Variants in NRXN3 observed in about 807,000 individuals in gnomAD.
The protein encoded by NRXN3 is neurexin 3.
In NRXN3, 32 loss-of-function variants were observed where a neutral mutation model predicts 137.6. The observed-to-expected ratio is 0.23, with a 90% CI of 0.18 to 0.31. The LOEUF is 0.31. Ranked by LOEUF, NRXN3 falls within the 10% of genes least tolerant of loss-of-function variation. The probability of loss-of-function intolerance (pLI) is 1.00; values close to 1 mark genes in which losing one functional copy is unlikely to be tolerated. For missense variants in NRXN3, 1,574 were observed against 2,062.5 expected (o/e 0.76, Z 4.59); for synonymous variants, 798 against 784.5 (o/e 1.02, Z -0.29).
chr14:79,409,639 ATATATC>A (rs1360244928), intron 15 of NRXN3, among the ~76,000 whole-genome samples: 5 of 146,488 alleles, frequency 3.4e-5, no homozygotes, highest in African/African-American at 5.0e-5. Context: ...ATATATATAT[ATATATC>A]CTCAAAATTT....
chr14:78,392,492 G>C (rs1415855207), intron 4 of NRXN3, among the ~76,000 whole-genome samples: 1 of 152,176 alleles, frequency 6.6e-6, no homozygotes, highest in African/African-American at 2.4e-5. Context: ...GGCTAAGACT[G>C]GGGGCTACAG....
intron 1 of NRXN3, among the ~76,000 whole-genome samples, chr14:78,183,427 G>A (rs862329): frequency 0.8 from 121,564 of 152,058 alleles, 49,449 homozygotes; most frequent in East Asian, 0.9. Flanking sequence ...ACCAGTAGAT[G>A]TGAGTGTAGG....
chr14:78,334,325 T>A (rs1234617504), intron 4 of NRXN3, among the ~76,000 whole-genome samples: 1 of 152,144 alleles, frequency 6.6e-6, no homozygotes, highest in African/African-American at 2.4e-5. Flanking sequence ...CCAGAATCAC[T>A]TCTTTCCTGT....
At chr14:78,941,780 A>C (rs529485430) in intron 10 of NRXN3, among the ~76,000 whole-genome samples, 3 of 152,340 alleles carry the variant, frequency 2.0e-5, no homozygotes, top group Non-Finnish European at 4.4e-5. Flanking sequence ...AAAGTGTAAC[A>C]ATGACTTTAT....
chr14:78,316,648 A>G (rs1006589550), intron 4 of NRXN3, among the ~76,000 whole-genome samples: 1 of 152,184 alleles, frequency 6.6e-6, no homozygotes, highest in African/African-American at 2.4e-5. Flanking sequence ...TGATTTATTT[A>G]TTTGATATGT....
At chr14:78,339,887 T>C (rs1191025244) in intron 4 of NRXN3, among the ~76,000 whole-genome samples, 1 of 152,184 alleles carries the variant, frequency 6.6e-6, no homozygotes, top group Admixed American at 6.5e-5. Context: ...TGAATTTCAG[T>C]GCTCCTTCTC....
intron 15 of NRXN3, among the ~76,000 whole-genome samples, chr14:79,363,139 T>C (rs774942406): frequency 6.6e-5 from 10 of 152,178 alleles, no homozygotes; most frequent in Admixed American, 3.9e-4. Flanking sequence ...TAGCTGGAAT[T>C]ATAGGCGCCC....
At chr14:78,987,301 A>C (rs1373797860) in intron 14 of NRXN3, among the ~76,000 whole-genome samples, 1 of 152,116 alleles carries the variant, frequency 6.6e-6, no homozygotes, top group Non-Finnish European at 1.5e-5. Context: ...ACTTTACCTA[A>C]GTTGGACATC....
chr14:78,862,713 C>A (rs188433953), intron 10 of NRXN3, among the ~76,000 whole-genome samples: 2 of 152,064 alleles, frequency 1.3e-5, no homozygotes, highest in African/African-American at 2.4e-5. Flanking sequence ...ATAAATAAGA[C>A]CACTCTGTCA....
rs371053742 is a variant in NRXN3, at chr14:79,714,929, C to T, written c.4014+16992C>T. Among the ~76,000 whole-genome samples the T allele has an allele frequency of 1.4e-3, 215 of 152,252 alleles. 1 individual carries two copies. The highest frequency in any genetic ancestry group is 5.0e-3 in the African/African-American group (209 of 41,556). On this transcript the variant is annotated intron_variant, in intron 19 of 20. Coordinates refer to ENST00000335750, the MANE Select transcript of NRXN3 (RefSeq NM_001330195.2). ...AATATCAGAGATGGCTTTGTCATGTCTGGTGCTCTTAAATCCTTTTCTTTT... is the reference window on the plus strand; with the variant it reads ...AATATCAGAGATGGCTTTGTCATGTTTGGTGCTCTTAAATCCTTTTCTTTT...
At chr14:79,432,583 C>G (rs1279946420) in intron 15 of NRXN3, among the ~76,000 whole-genome samples, 2 of 152,202 alleles carry the variant, frequency 1.3e-5, no homozygotes, top group Non-Finnish European at 2.9e-5. Context: ...CTTCTCCCTT[C>G]CCCATTTTCA....
At chr14:79,289,021 C>T (rs1456341964) in intron 15 of NRXN3, among the ~76,000 whole-genome samples, 2 of 152,102 alleles carry the variant, frequency 1.3e-5, no homozygotes, top group African/African-American at 2.4e-5. Flanking sequence ...GGAAGTTATG[C>T]ACCCTTCAAA....
chr14:78,669,875 T>G (rs1343384598), intron 6 of NRXN3, among the ~76,000 whole-genome samples: 1 of 152,150 alleles, frequency 6.6e-6, no homozygotes, highest in African/African-American at 2.4e-5. Flanking sequence ...TTATTTTTTA[T>G]TATACTGTAA....
At chr14:79,345,979 C>G (rs1420326251) in intron 15 of NRXN3, among the ~76,000 whole-genome samples, 1 of 152,222 alleles carries the variant, frequency 6.6e-6, no homozygotes, top group Admixed American at 6.5e-5. Context: ...TCTCAGGTCT[C>G]TGATTCTGCC....
intron 18 of NRXN3, among the ~76,000 whole-genome samples, chr14:79,692,539 A>G (rs1028668181): frequency 1.3e-5 from 2 of 152,128 alleles, no homozygotes; most frequent in African/African-American, 4.8e-5. Context: ...ACAGAAATGT[A>G]TTATGGCAAT....
intron 10 of NRXN3, among the ~76,000 whole-genome samples, chr14:78,847,709 C>A (rs2152470816): frequency 6.6e-6 from 1 of 152,166 alleles, no homozygotes; most frequent in South Asian, 2.1e-4. Context: ...CTTTACAATT[C>A]CGATTACCCT....
intron 4 of NRXN3, among the ~76,000 whole-genome samples, chr14:78,407,027 TC>T (rs1299660763): frequency 6.6e-6 from 1 of 151,908 alleles, no homozygotes; most frequent in African/African-American, 2.4e-5. Flanking sequence ...AAAGAGAGGG[TC>T]TTAGGGACTG....
At chr14:79,060,032 A>T (rs888748799) in intron 15 of NRXN3, among the ~76,000 whole-genome samples, 3 of 152,226 alleles carry the variant, frequency 2.0e-5, no homozygotes, top group African/African-American at 7.2e-5. Flanking sequence ...TTTCACTCTG[A>T]GGAACAGCTC....
chr14:79,855,282 T>C (rs1353016822), intron 20 of NRXN3, among the ~76,000 whole-genome samples: 1 of 152,200 alleles, frequency 6.6e-6, no homozygotes, highest in Non-Finnish European at 1.5e-5. Context: ...CACTATATAA[T>C]TTTTTCATCA....
Sources: gnomAD v4.1 joint callset for allele counts (sites outside exome capture counted in the v4.1 genomes callset) on GRCh38, gnomAD v4.1.1 for gene constraint, MANE v1.5 for transcripts, NCBI Gene and HGNC (gene_info 2026-07-23, HGNC 2026-07-21) for gene names.